The following RNLS variants were observed in gnomAD, a reference collection of about 807,000 sequenced individuals.
The protein encoded by RNLS is renalase, FAD dependent amine oxidase.
In RNLS, 39 loss-of-function variants were observed where a neutral mutation model predicts 39.8. That is an observed-to-expected ratio of 0.98 (90% CI 0.76 to 1.28). The LOEUF (loss-of-function observed/expected upper bound fraction) is 1.28, where lower values mean the gene tolerates loss of function less well. Ranked by LOEUF, RNLS falls within the 50% of genes most tolerant of loss-of-function variation. The probability of loss-of-function intolerance (pLI) is 0.00; values close to 1 mark genes in which losing one functional copy is unlikely to be tolerated. For missense variants in RNLS, 410 were observed against 413.3 expected (o/e 0.99, Z 0.07); for synonymous variants, 147 against 150.7 (o/e 0.98, Z 0.18).
the RNLS span, among the ~76,000 whole-genome samples, chr10:88,225,298 T>C: frequency 6.6e-6 from 1 of 152,224 alleles, no homozygotes; most frequent in African/African-American, 2.4e-5. Flanking sequence ...TTCTGAACTT[T>C]GTAAGAAAAA....
chr10:88,557,414 T>A (rs1848932257), intron 4 of RNLS, among the ~76,000 whole-genome samples: 1 of 152,064 alleles, frequency 6.6e-6, no homozygotes, highest in Non-Finnish European at 1.5e-5. Flanking sequence ...AACATTCAAG[T>A]CAGAATGAAA....
intron 4 of RNLS, among the ~76,000 whole-genome samples, chr10:88,429,202 T>C (rs1451828732): frequency 1.3e-5 from 2 of 151,914 alleles, no homozygotes; most frequent in Non-Finnish European, 2.9e-5. Context: ...AGTGGAATCT[T>C]GGACAAGTAA....
chr10:88,222,871 C>G, the RNLS span, among the ~76,000 whole-genome samples: 1 of 152,226 alleles, frequency 6.6e-6, no homozygotes, highest in Admixed American at 6.5e-5. Flanking sequence ...GCAAAGGAGG[C>G]AGCTATAGTC....
At chr10:88,381,552 T>C (rs1768949456) in intron 4 of RNLS, among the ~76,000 whole-genome samples, 1 of 151,980 alleles carries the variant, frequency 6.6e-6, no homozygotes, top group African/African-American at 2.4e-5. Flanking sequence ...ATTCTTTTAT[T>C]AGTGATAATA....
At chr10:88,264,893 G>A in the RNLS span, among the ~76,000 whole-genome samples, 2 of 152,162 alleles carry the variant, frequency 1.3e-5, no homozygotes, top group Non-Finnish European at 2.9e-5. Flanking sequence ...TGCATTCTTG[G>A]TCATGAAGTC....
intron 6 of RNLS, among the ~76,000 whole-genome samples, chr10:88,295,848 G>C (rs139000793): frequency 0.014 from 2,064 of 152,220 alleles, 25 homozygotes; most frequent in Non-Finnish European, 0.018. Context: ...ACTCTATTTA[G>C]ATCTATTCTA....
chr10:88,501,037 G>GTGTA (rs1564851414), intron 4 of RNLS, among the ~76,000 whole-genome samples: 1 of 150,834 alleles, frequency 6.6e-6, no homozygotes, highest in Non-Finnish European at 1.5e-5. Context: ...GTGTGTGTGT[G>GTGTA]TATATATGTA....
At chr10:88,336,327 G>A (rs1219066788) in intron 5 of RNLS, among the ~76,000 whole-genome samples, 1 of 152,230 alleles carries the variant, frequency 6.6e-6, no homozygotes, top group African/African-American at 2.4e-5. Flanking sequence ...TAAAGGCTAG[G>A]AAGGGAAGTT....
chr10:88,423,936 T>G (rs1686444030), intron 4 of RNLS, among the ~76,000 whole-genome samples: 1 of 152,224 alleles, frequency 6.6e-6, no homozygotes, highest in Non-Finnish European at 1.5e-5. Flanking sequence ...ATCTGGGCTT[T>G]GAATCTGGCT....
chr10:88,199,683 G>A, the RNLS span, among the ~76,000 whole-genome samples: 26 of 152,192 alleles, frequency 1.7e-4, 1 homozygote, highest in Middle Eastern at 0.017. Flanking sequence ...TGGGTCCCTG[G>A]CCTTCACCTC....
At chr10:88,317,946 C>T (rs1043046505) in intron 5 of RNLS, among the ~76,000 whole-genome samples, 1 of 152,240 alleles carries the variant, frequency 6.6e-6, no homozygotes, top group Non-Finnish European at 1.5e-5. Flanking sequence ...GACTGTCAAA[C>T]TGTTGGGGAG....
chr10:88,445,985 C>A (rs1252814605), intron 4 of RNLS, among the ~76,000 whole-genome samples: 1 of 152,202 alleles, frequency 6.6e-6, no homozygotes, highest in Non-Finnish European at 1.5e-5. Context: ...CTGTAGAACT[C>A]TCCACCACAA....
intron 4 of RNLS, among the ~76,000 whole-genome samples, chr10:88,383,468 T>C (rs979024986): frequency 2.6e-5 from 4 of 152,168 alleles, no homozygotes; most frequent in Non-Finnish European, 5.9e-5. Context: ...GTCAAACTGC[T>C]TTCTACATTT....
chr10:88,328,078 T>C (rs1846771757), intron 5 of RNLS, among the ~76,000 whole-genome samples: 1 of 152,002 alleles, frequency 6.6e-6, no homozygotes, highest in African/African-American at 2.4e-5. Context: ...CAGCTAATTT[T>C]TGTATTTTTA....
At chr10:88,374,292 T>C (rs912579001) in intron 4 of RNLS, among the ~76,000 whole-genome samples, 1 of 152,118 alleles carries the variant, frequency 6.6e-6, no homozygotes, top group Non-Finnish European at 1.5e-5. Flanking sequence ...ATAACTTCAA[T>C]TATAGACCAG....
the RNLS span, among the ~76,000 whole-genome samples, chr10:88,235,589 C>G: frequency 6.6e-6 from 1 of 152,160 alleles, no homozygotes; most frequent in Non-Finnish European, 1.5e-5. Context: ...TCAATTTATA[C>G]AACCCCACTT....
At chr10:88,460,439 C>G (rs573855140) in intron 4 of RNLS, among the ~76,000 whole-genome samples, 1 of 152,118 alleles carries the variant, frequency 6.6e-6, no homozygotes, top group Admixed American at 6.6e-5. Context: ...CTCCAAGAGG[C>G]CTTCCCAGAT....
intron 4 of RNLS, among the ~76,000 whole-genome samples, chr10:88,478,655 C>T (rs896002589): frequency 3.9e-5 from 6 of 152,112 alleles, no homozygotes; most frequent in Non-Finnish European, 5.9e-5. Flanking sequence ...TCCTCAACTG[C>T]CCTTTCCAGC....
intron 4 of RNLS, among the ~76,000 whole-genome samples, chr10:88,424,960 A>G (rs371355536): frequency 6.6e-6 from 1 of 152,146 alleles, no homozygotes; most frequent in Non-Finnish European, 1.5e-5. Context: ...AATATGTAAC[A>G]AGAACTTACA....
Sources: allele counts gnomAD v4.1 joint callset (sites outside exome capture counted in the v4.1 genomes callset), GRCh38; gene constraint gnomAD v4.1.1; transcripts MANE v1.5; gene names NCBI Gene and HGNC (gene_info 2026-07-23, HGNC 2026-07-21).